The following DENND5A variants were observed in gnomAD, a reference collection of about 807,000 sequenced individuals.
DENND5A encodes DENN domain containing 5A, also known as DENN domain-containing protein 5A.
A neutral mutation model predicts 140.3 loss-of-function variants in DENND5A; 64 were observed. The observed-to-expected ratio is 0.46, with a 90% CI of 0.37 to 0.56. The LOEUF is 0.56. Among genes scored for constraint, DENND5A ranks in the 20% least tolerant of loss-of-function variants. The pLI is 0.00. For synonymous variants in DENND5A, 605 were observed against 607.7 expected, an observed-to-expected ratio of 1.00 and a Z score of 0.07; for missense variants, 1,292 against 1,593.8, an observed-to-expected ratio of 0.81 and a Z score of 3.22.
chr11:9,251,716 G>T (rs1851726829), intron 1 of DENND5A, among the ~76,000 whole-genome samples: 1 of 152,164 alleles, frequency 6.6e-6, no homozygotes, highest in Admixed American at 6.6e-5. Context: ...CCAGCTGGGT[G>T]CGGTGGCTCA....
intron 1 of DENND5A, among the ~76,000 whole-genome samples, chr11:9,213,900 A>G (rs1225665571): frequency 6.6e-6 from 1 of 151,902 alleles, no homozygotes; most frequent in Non-Finnish European, 1.5e-5. Flanking sequence ...TCAACTTACC[A>G]TATCAACAAC....
intron 1 of DENND5A, among the ~76,000 whole-genome samples, chr11:9,229,317 G>C (rs917272453): frequency 6.6e-6 from 1 of 151,906 alleles, no homozygotes; most frequent in African/African-American, 2.4e-5. Context: ...CCACACATTT[G>C]GTGTCAGAGG....
chr11:9,212,335 A>C (rs1849912863), intron 1 of DENND5A, among the ~76,000 whole-genome samples: 1 of 152,354 alleles, frequency 6.6e-6, no homozygotes, highest in South Asian at 2.1e-4. Flanking sequence ...GGAAAATAGA[A>C]AGAATGAGGC....
In DENND5A at chr11:9,157,965, C is replaced by T. The variant is rs532604333; in HGVS notation, c.2436+2748G>A. On this transcript the variant is annotated intron_variant, in intron 12 of 22. Transcript: ENST00000328194. ...TTCTGACTCACAGTTCATAGTGTTG[C>T]TACTACACCAGTCTCAAAATTTTAG... Among the ~76,000 whole-genome samples the T allele has an allele frequency of 1.7e-4, 26 of 152,264 alleles. No individual in the cohort carries two copies. In the East Asian group the frequency reaches 4.4e-3, roughly 26 times the overall value.
At chr11:9,160,650 A>T (rs1422124261) in intron 12 of DENND5A, 63 bp downstream of exon 12, 1 of 1,496,688 alleles carries the variant, frequency 6.7e-7, no homozygotes, top group Non-Finnish European at 9.1e-7. Context: ...AGAGTGTGGG[A>T]AAGCTAGTAA....
At chr11:9,167,953 C>T (rs1175756322) in intron 10 of DENND5A, among the ~76,000 whole-genome samples, 1 of 152,174 alleles carries the variant, frequency 6.6e-6, no homozygotes, top group Non-Finnish European at 1.5e-5. Context: ...TGGTTTGCTC[C>T]TCATATGGTC....
chr11:9,205,099 A>C (rs1469410886), intron 3 of DENND5A, among the ~76,000 whole-genome samples: 1 of 152,250 alleles, frequency 6.6e-6, no homozygotes, highest in Non-Finnish European at 1.5e-5. Context: ...ACAAACTTGT[A>C]AATAGTATTG....
At chr11:9,205,891 C>A (rs1849678307) in intron 3 of DENND5A, among the ~76,000 whole-genome samples, 2 of 152,150 alleles carry the variant, frequency 1.3e-5, no homozygotes, top group Non-Finnish European at 2.9e-5. Flanking sequence ...CAGAATGAGA[C>A]CCTGTCTCAA....
chr11:9,254,780 A>C (rs1444984168), intron 1 of DENND5A, among the ~76,000 whole-genome samples: 11 of 152,150 alleles, frequency 7.2e-5, no homozygotes, highest in Admixed American at 7.2e-4. Context: ...TCTTATTTAA[A>C]AGTCTCAGTC....
intron 1 of DENND5A, among the ~76,000 whole-genome samples, chr11:9,262,186 A>T (rs909514045): frequency 5.3e-5 from 8 of 152,084 alleles, no homozygotes; most frequent in Non-Finnish European, 1.2e-4. Context: ...ATAGATGAGG[A>T]CCCTGACAGG....
chr11:9,169,722 TA>T (rs1329995340), intron 10 of DENND5A, 133 bp downstream of exon 10: 1 of 612,836 alleles, frequency 1.6e-6, no homozygotes, highest in African/African-American at 1.8e-5. Context: ...GAACTAGACC[TA>T]TTATTAACCC....
chr11:9,149,168 A>G (rs937973135), intron 15 of DENND5A, among the ~76,000 whole-genome samples: 1 of 152,180 alleles, frequency 6.6e-6, no homozygotes, highest in Non-Finnish European at 1.5e-5. Flanking sequence ...CCATGAATAC[A>G]CAGCCCCCAT....
intron 5 of DENND5A, among the ~76,000 whole-genome samples, chr11:9,192,978 A>G (rs1341993937): frequency 6.6e-6 from 1 of 152,214 alleles, no homozygotes; most frequent in African/African-American, 2.4e-5. Context: ...TAATCCCAAC[A>G]CTTTGGGAAG....
chr11:9,156,613 C>G (rs1386522742), intron 12 of DENND5A, among the ~76,000 whole-genome samples: 1 of 146,398 alleles, frequency 6.8e-6, no homozygotes, highest in Non-Finnish European at 1.5e-5. Flanking sequence ...GGCAACAGAG[C>G]GAGACTCCGT....
At chr11:9,216,969 G>C (rs1850117028) in intron 1 of DENND5A, among the ~76,000 whole-genome samples, 1 of 152,104 alleles carries the variant, frequency 6.6e-6, no homozygotes, top group South Asian at 2.1e-4. Flanking sequence ...CCAGGAGTTT[G>C]AGGCTGCAGT....
At chr11:9,239,993 G>T (rs958661253) in intron 1 of DENND5A, among the ~76,000 whole-genome samples, 3 of 152,062 alleles carry the variant, frequency 2.0e-5, no homozygotes, top group Non-Finnish European at 4.4e-5. Flanking sequence ...TTTGTTCAGG[G>T]TCACACCCAG....
chr11:9,161,148 C>G (rs1847970148), intron 11 of DENND5A, among the ~76,000 whole-genome samples: 1 of 152,150 alleles, frequency 6.6e-6, no homozygotes, highest in South Asian at 2.1e-4. Context: ...GAGATCGAGA[C>G]CATCCTGGCT....
chr11:9,170,650 A>G lies in DENND5A; in HGVS notation c.2034T>C (p.Leu678=). The part of the protein sequence containing the change: ...GFFPKLQSDV[L]STGPASNKWT... Reference sequence around the variant, plus strand: ...ACTTGTTGCTGGCTGGCCCAGTGGAAAGTACATCAGACTGCAGCTTAGGGA... The same window carrying G: ...ACTTGTTGCTGGCTGGCCCAGTGGAGAGTACATCAGACTGCAGCTTAGGGA... The change falls in exon 9 of 23, where the codon CTT becomes CTC. Residue 678 remains leucine, a synonymous_variant. Coordinates refer to ENST00000328194, the MANE Select transcript of DENND5A (RefSeq NM_015213.4). 6.2e-7 allele frequency: 1 copy of G among 1,613,958 alleles called. No homozygotes were observed. Among genetic ancestry groups the G allele is most frequent in the Non-Finnish European group, 8.5e-7 (1 of 1,180,000 alleles).
intron 20 of DENND5A, 189 bp downstream of exon 20, chr11:9,143,214 T>A: frequency 1.5e-6 from 1 of 651,020 alleles, no homozygotes; most frequent in Non-Finnish European, 2.7e-6. Context: ...GAAAACAGGG[T>A]AACCTGAGGC....
Sources: gnomAD v4.1 joint callset for allele counts (sites outside exome capture counted in the v4.1 genomes callset) on GRCh38, gnomAD v4.1.1 for gene constraint, MANE v1.5 for transcripts, NCBI Gene and HGNC (gene_info 2026-07-23, HGNC 2026-07-21) for gene names.